The following MAPK10 variants were observed in gnomAD, a reference collection of about 807,000 sequenced individuals.
MAPK10 encodes the protein mitogen-activated protein kinase 10.
MAPK10 carries 25 observed loss-of-function variants against 59.3 expected under a neutral mutation model. That is an observed-to-expected ratio of 0.42 (90% confidence interval 0.31 to 0.59). The LOEUF (loss-of-function observed/expected upper bound fraction) is 0.59. MAPK10 is among the 20% of genes least tolerant of loss of function. The pLI, the probability that MAPK10 is intolerant of heterozygous loss-of-function variation, is 0.15. For synonymous variants in MAPK10, 190 were observed against 200.5 expected (o/e 0.95, Z 0.44); for missense variants, 351 against 568.9 (o/e 0.62, Z 3.90).
At chr4:86,400,683 T>G (rs1211096863) in intron 1 of MAPK10, among the ~76,000 whole-genome samples, 3 of 152,170 alleles carry the variant, frequency 2.0e-5, no homozygotes, top group Non-Finnish European at 4.4e-5. Flanking sequence ...TTCTATAAGA[T>G]GTTACTTGAC....
rs2068805244 is a variant in MAPK10, at chr4:86,159,384, A to G, written c.150T>C (p.Ser50=). 6.2e-7 allele frequency: 1 copy of G among 1,612,736 alleles called. No individual in the cohort carries two copies. The highest frequency in any genetic ancestry group is 8.5e-7 in the Non-Finnish European group (1 of 1,179,174). ...SKSKVDNQFY[S]VEVGDSTFTV... is the part of the protein sequence containing the mutation. ...TGAAGGTTGAGTCTCCCACTTCCACACTGTAGAACTGGTTGTCAACTTTGC... is the reference window on the plus strand; with the variant it reads ...TGAAGGTTGAGTCTCCCACTTCCACGCTGTAGAACTGGTTGTCAACTTTGC... The change falls in exon 4 of 14, where the codon AGT becomes AGC. Residue 50 remains serine, a synonymous_variant. Transcript: ENST00000641462.
intron 1 of MAPK10, among the ~76,000 whole-genome samples, chr4:86,472,817 G>C (rs1264339966): frequency 6.6e-6 from 1 of 152,046 alleles, no homozygotes; most frequent in African/African-American, 2.4e-5. Context: ...CTCTCCACAG[G>C]GTGTATACTG....
At chr4:86,516,626 T>C (rs1756686441) in intron 1 of MAPK10, among the ~76,000 whole-genome samples, 2 of 148,360 alleles carry the variant, frequency 1.3e-5, no homozygotes, top group South Asian at 4.2e-4. Flanking sequence ...TCCTAAGGGT[T>C]TTTTTGTTGT....
intron 1 of MAPK10, among the ~76,000 whole-genome samples, chr4:86,529,001 T>C (rs1210181462): frequency 2.6e-5 from 4 of 152,210 alleles, no homozygotes; most frequent in African/African-American, 4.8e-5. Flanking sequence ...GGAAGAGTTC[T>C]AACTCTCTGT....
intron 13 of MAPK10, among the ~76,000 whole-genome samples, chr4:86,022,593 C>T (rs1179291493): frequency 1.3e-5 from 2 of 152,132 alleles, no homozygotes; most frequent in African/African-American, 4.8e-5. Flanking sequence ...TATCCTCTAA[C>T]TCCAGGGCTC....
Position 86,058,234 on chromosome 4 carries a change from C to T in MAPK10, c.1110+6032G>A, listed in dbSNP as rs538896401. On this transcript the variant is annotated intron_variant, in intron 11 of 13. Transcript: ENST00000641462. ...TCTTCTCCTCTCCAGAGGAATTGTG[C>T]TCCGTTCCCTGGTTACTTCTCCTTT... Among the ~76,000 whole-genome samples, 12 of 149,814 alleles carry T rather than the reference C, an allele frequency of 8.0e-5. No homozygotes were observed. The East Asian group carries it at 2.1e-3, about 26-fold the overall frequency.
intron 2 of MAPK10, among the ~76,000 whole-genome samples, chr4:86,198,457 T>C (rs1475314503): frequency 6.6e-6 from 1 of 152,140 alleles, no homozygotes; most frequent in East Asian, 1.9e-4. Context: ...CCCTCGTATC[T>C]GACCCAGGAG....
At chr4:86,218,710 A>C (rs1272638928) in intron 2 of MAPK10, among the ~76,000 whole-genome samples, 1 of 152,166 alleles carries the variant, frequency 6.6e-6, no homozygotes, top group Non-Finnish European at 1.5e-5. Context: ...ATTAGGTGAA[A>C]TGTCATCTTG....
intron 1 of MAPK10, among the ~76,000 whole-genome samples, chr4:86,414,284 C>T (rs949310866): frequency 1.3e-5 from 2 of 152,056 alleles, no homozygotes; most frequent in Admixed American, 6.5e-5. Context: ...GAACAGCTGG[C>T]TTTACCCCCA....
intron 4 of MAPK10, among the ~76,000 whole-genome samples, chr4:86,145,671 TC>T (rs1401596463): frequency 2.6e-5 from 4 of 152,162 alleles, no homozygotes; most frequent in Admixed American, 6.5e-5. Context: ...CTCTTCCTCT[TC>T]CTCATTGTGT....
intron 2 of MAPK10, among the ~76,000 whole-genome samples, chr4:86,225,398 G>C (rs1014234645): frequency 6.6e-6 from 1 of 152,092 alleles, no homozygotes; most frequent in Non-Finnish European, 1.5e-5. Flanking sequence ...TAGACATGTA[G>C]TCACAATCTG....
At chr4:86,171,335 A>G (rs895791947) in intron 3 of MAPK10, among the ~76,000 whole-genome samples, 10 of 152,192 alleles carry the variant, frequency 6.6e-5, no homozygotes, top group African/African-American at 2.4e-4. Flanking sequence ...TAGCAAGATT[A>G]ATAAAGAAGA....
chr4:86,589,543 G>T (rs1041690419), intron 1 of MAPK10, among the ~76,000 whole-genome samples: 8 of 151,942 alleles, frequency 5.3e-5, no homozygotes, highest in African/African-American at 1.9e-4. Flanking sequence ...TTAGCCGGGC[G>T]TGGTGGCTTG....
At chr4:86,135,911 G>A (rs527781785) in intron 4 of MAPK10, among the ~76,000 whole-genome samples, 20 of 152,254 alleles carry the variant, frequency 1.3e-4, no homozygotes, top group East Asian at 7.7e-4. Flanking sequence ...GAGCCGATAC[G>A]ATCAACTGGA....
At chr4:86,396,664 C>T (rs890230255) in intron 1 of MAPK10, among the ~76,000 whole-genome samples, 1 of 152,156 alleles carries the variant, frequency 6.6e-6, no homozygotes, top group Non-Finnish European at 1.5e-5. Context: ...TGCTCCGCTT[C>T]TGGGAAGGAG....
At chr4:86,508,105 C>G (rs1200287366) in intron 1 of MAPK10, among the ~76,000 whole-genome samples, 1 of 152,128 alleles carries the variant, frequency 6.6e-6, no homozygotes, top group Non-Finnish European at 1.5e-5. Context: ...ACATAGTTTA[C>G]TATGGCATGT....
chr4:86,133,506 T>A (rs1178437189), intron 4 of MAPK10, among the ~76,000 whole-genome samples: 1 of 152,216 alleles, frequency 6.6e-6, no homozygotes, highest in Non-Finnish European at 1.5e-5. Flanking sequence ...GTCTGCAACA[T>A]AAAAATTTTT....
At chr4:86,278,506 T>A (rs1329114818) in intron 2 of MAPK10, among the ~76,000 whole-genome samples, 1 of 152,124 alleles carries the variant, frequency 6.6e-6, no homozygotes, top group Non-Finnish European at 1.5e-5. Context: ...GGGATCTATA[T>A]GAGTTGAAGG....
intron 11 of MAPK10, among the ~76,000 whole-genome samples, chr4:86,035,733 TCGTGTTGGTGAAGC>T: frequency 6.6e-6 from 1 of 152,094 alleles, no homozygotes; most frequent in Non-Finnish European, 1.5e-5. Context: ...GGGAAGATGA[TCGTGTTGGTGAAGC>T]CATCTAAAGA....
Sources: allele counts gnomAD v4.1 joint callset (sites outside exome capture counted in the v4.1 genomes callset), GRCh38; gene constraint gnomAD v4.1.1; transcripts MANE v1.5; gene names NCBI Gene and HGNC (gene_info 2026-07-23, HGNC 2026-07-21).